Variants in RXRA observed in about 807,000 individuals in gnomAD.
RXRA encodes retinoic acid receptor RXR-alpha.
In RXRA, 5 loss-of-function variants were observed where a neutral mutation model predicts 44.5. The observed-to-expected ratio is 0.11, with a 90% CI of 0.06 to 0.24. RXRA has a LOEUF of 0.24. RXRA is among the 10% of genes least tolerant of loss of function. The pLI is 1.00. For synonymous variants in RXRA, 291 were observed against 271.4 expected, an observed-to-expected ratio of 1.07 and a Z score of -0.71; for missense variants, 412 against 646.5, an observed-to-expected ratio of 0.64 and a Z score of 3.93.
chr9:134,381,258 C>A (rs1367738180), intron 1 of RXRA, among the ~76,000 whole-genome samples: 1 of 152,148 alleles, frequency 6.6e-6, no homozygotes, highest in Non-Finnish European at 1.5e-5. Flanking sequence ...GGTTGCCCGG[C>A]CTGGGCTGGG....
chr9:134,361,489 ATGG>A (rs1363199539), intron 1 of RXRA, among the ~76,000 whole-genome samples: 1 of 150,494 alleles, frequency 6.6e-6, no homozygotes, highest in Non-Finnish European at 1.5e-5. Flanking sequence ...TGGGACAGGG[ATGG>A]TGGTGGTGGG....
intron 4 of RXRA, among the ~76,000 whole-genome samples, chr9:134,416,477 C>A (rs969491644): frequency 6.6e-6 from 1 of 152,164 alleles, no homozygotes; most frequent in African/African-American, 2.4e-5. Context: ...CATCTCGGTG[C>A]CCTGCATGGG....
chr9:134,420,734 C>G (rs920199186), intron 5 of RXRA, among the ~76,000 whole-genome samples: 1 of 152,226 alleles, frequency 6.6e-6, no homozygotes, highest in Non-Finnish European at 1.5e-5. Flanking sequence ...CTGAGGGGGC[C>G]GTCATCTGAG....
intron 6 of RXRA, 48 bp downstream of exon 6, chr9:134,421,853 C>A (rs747562153): frequency 6.2e-7 from 1 of 1,605,310 alleles, no homozygotes; most frequent in Middle Eastern, 1.7e-4. Context: ...GCAGATGGGA[C>A]ACGTACCAGG....
chr9:134,348,746 C>T (rs995629874), intron 1 of RXRA, among the ~76,000 whole-genome samples: 5 of 152,218 alleles, frequency 3.3e-5, no homozygotes, highest in Non-Finnish European at 5.9e-5. Context: ...ATCACGTGTC[C>T]GCCATGTGCT....
intron 1 of RXRA, among the ~76,000 whole-genome samples, chr9:134,384,042 T>C (rs1830683242): frequency 6.6e-6 from 1 of 152,110 alleles, no homozygotes; most frequent in African/African-American, 2.4e-5. Context: ...TTCTCCTCAC[T>C]AGAGCTGGGA....
chr9:134,399,149 A>C (rs1830922906), intron 1 of RXRA, among the ~76,000 whole-genome samples: 1 of 152,248 alleles, frequency 6.6e-6, no homozygotes, highest in African/African-American at 2.4e-5. Flanking sequence ...AAGCTGGCTC[A>C]GGTTTCCTCC....
intron 1 of RXRA, among the ~76,000 whole-genome samples, chr9:134,350,201 G>A (rs1830204836): frequency 6.6e-6 from 1 of 152,102 alleles, no homozygotes; most frequent in African/African-American, 2.4e-5. Context: ...AGGCTCCCAG[G>A]GCAGGATGTA....
chr9:134,422,093 C>T (rs1282193458), intron 6 of RXRA: 9 of 1,366,396 alleles, frequency 6.6e-6, no homozygotes, highest in South Asian at 2.5e-5. Context: ...AGGACACTCC[C>T]GACTCCTGGG....
Position 134,426,565 on chromosome 9 carries a change from G to T in RXRA, c.911-2543G>T, listed in dbSNP as rs1159622083. 5.1e-6 allele frequency: 5 copies of T among 985,436 alleles called. No homozygotes were observed. The highest frequency in any genetic ancestry group is 6.0e-6 in the Non-Finnish European group (5 of 829,942). 61.0% of individuals were successfully genotyped at this position (985,436 alleles called of 1,614,324 possible). A position where few individuals can be genotyped will look rare whatever the true frequency, so the allele number is the denominator to read the frequency against. ...TGTCTGGGCTCCTGACCTGTATCCCGTGCTGAGGGCCGCACCTCGGCTCAG... is the reference window on the plus strand; with the variant it reads ...TGTCTGGGCTCCTGACCTGTATCCCTTGCTGAGGGCCGCACCTCGGCTCAG... On this transcript the variant is annotated intron_variant, in intron 6 of 9. Coordinates refer to ENST00000481739, the MANE Select transcript of RXRA (RefSeq NM_002957.6). This position sits in a 1 kb window ranked among gnomAD's most constrained non-coding sequence, Gnocchi z 4.6.
intron 1 of RXRA, among the ~76,000 whole-genome samples, chr9:134,360,864 G>A (rs1240619288): frequency 6.6e-6 from 1 of 152,246 alleles, no homozygotes; most frequent in African/African-American, 2.4e-5. Context: ...CCTGCTGGGG[G>A]GATGCTAGAG....
chr9:134,422,361 C>T, intron 6 of RXRA: 1 of 1,273,700 alleles, frequency 7.9e-7, no homozygotes. Context: ...GACACACTCC[C>T]CGCTACCGGG....
rs559448173 is a variant in RXRA, at chr9:134,382,211, C to T, written c.29-19421C>T. Among the ~76,000 whole-genome samples the T allele has an allele frequency of 5.3e-5, 8 of 152,246 alleles. No homozygotes were observed. The South Asian group carries it at 1.5e-3, about 28-fold the overall frequency. ...CCCCCTGGGCTGGCGTCTGCCTCCC[C>T]GCCTGCTGCTGCCCCTGTGGCCGGC... is the stretch of plus-strand genomic sequence containing the variant. On this transcript the variant is annotated intron_variant, in intron 1 of 9. Coordinates refer to ENST00000481739, the MANE Select transcript of RXRA (RefSeq NM_002957.6).
intron 2 of RXRA, chr9:134,402,964 C>G (rs1450260707): frequency 1.3e-5 from 2 of 152,234 alleles, no homozygotes; most frequent in Non-Finnish European, 2.9e-5. Context: ...CTGACAGCAC[C>G]AGATGTGTCC....
intron 1 of RXRA, among the ~76,000 whole-genome samples, chr9:134,397,971 A>AT (rs1009496846): frequency 6.6e-6 from 1 of 151,942 alleles, no homozygotes; most frequent in South Asian, 2.1e-4. Flanking sequence ...CCAAAGTAGG[A>AT]TTTTTTTATT....
intron 1 of RXRA, among the ~76,000 whole-genome samples, chr9:134,362,827 A>C (rs1458054356): frequency 6.6e-6 from 1 of 152,148 alleles, no homozygotes; most frequent in African/African-American, 2.4e-5. Context: ...CGCTTAGAGG[A>C]GGGGGCCCAC....
At chr9:134,386,375 C>T (rs1037603845) in intron 1 of RXRA, among the ~76,000 whole-genome samples, 7 of 152,224 alleles carry the variant, frequency 4.6e-5, no homozygotes, top group South Asian at 4.1e-4. Context: ...GGCGGGGGAC[C>T]GCAGGTGGCT....
intron 1 of RXRA, among the ~76,000 whole-genome samples, chr9:134,396,594 A>C (rs73556222): frequency 1.3e-5 from 2 of 152,014 alleles, no homozygotes; most frequent in African/African-American, 4.8e-5. Flanking sequence ...ACCAGCTCTC[A>C]TCTGGGTGCT....
chr9:134,435,610 G>A (rs571187476), intron 9 of RXRA, among the ~76,000 whole-genome samples: 2 of 152,312 alleles, frequency 1.3e-5, no homozygotes, highest in Non-Finnish European at 2.9e-5. Context: ...ATGCTTTATG[G>A]AAAGGGTCTT....
Sources: gnomAD v4.1 joint callset for allele counts (sites outside exome capture counted in the v4.1 genomes callset) on GRCh38, gnomAD v4.1.1 for gene constraint, Gnocchi (gnomAD v3.1) non-coding constraint, MANE v1.5 for transcripts, NCBI Gene and HGNC (gene_info 2026-07-23, HGNC 2026-07-21) for gene names.